The following HTR4 variants were observed in gnomAD, a reference collection of about 807,000 sequenced individuals.
HTR4 encodes the protein 5-hydroxytryptamine (serotonin) receptor 4, G protein-coupled.
A neutral mutation model predicts 36.8 loss-of-function variants in HTR4; 16 were observed. The ratio of observed to expected loss-of-function variants is 0.43; its 90% CI spans 0.29 to 0.66. HTR4 has a LOEUF of 0.66. Ranked by LOEUF, HTR4 falls within the 30% of genes least tolerant of loss-of-function variation. The pLI is 0.13. For synonymous variants in HTR4, 189 were observed against 185.1 expected (o/e 1.02, Z -0.17); for missense variants, 438 against 490.9 (o/e 0.89, Z 1.02).
chr5:148,569,658 C>A (rs915407499), intron 2 of HTR4, among the ~76,000 whole-genome samples: 1 of 150,264 alleles, frequency 6.7e-6, no homozygotes, highest in Admixed American at 6.6e-5. Context: ...ATAATGTATC[C>A]AAAACATGAG....
At chr5:148,605,395 A>G (rs1159370772) in intron 2 of HTR4, among the ~76,000 whole-genome samples, 1 of 150,734 alleles carries the variant, frequency 6.6e-6, no homozygotes, top group Non-Finnish European at 1.5e-5. Flanking sequence ...AGTAGCTGGG[A>G]TTACAGGTGT....
intron 2 of HTR4, among the ~76,000 whole-genome samples, chr5:148,588,701 C>T (rs899308262): frequency 4.7e-5 from 7 of 150,448 alleles, no homozygotes; most frequent in East Asian, 1.9e-4. Flanking sequence ...CCACCGCGCC[C>T]GGCTAATTTT....
intron 2 of HTR4, among the ~76,000 whole-genome samples, chr5:148,579,849 G>A (rs568290339): frequency 1.3e-5 from 2 of 152,076 alleles, no homozygotes; most frequent in South Asian, 2.1e-4. Context: ...AATTCACATC[G>A]CTGATTTCTG....
rs758122871 is a variant in HTR4 at position 148,465,824 on chromosome 5, C to A, written c.1077-14552G>T. The A allele has an allele frequency of 5.1e-5, 82 of 1,600,132 alleles. No homozygotes were observed. The East Asian group carries it at 1.8e-3, about 34-fold the overall frequency. The stretch of plus-strand genomic sequence containing the variant: ...AAATAAATAGGCAGACACAGACAGA[C>A]TCACAACAGACAGTGACAGACTTAC... On this transcript the variant is annotated intron_variant, in intron 5 of 5. Transcript: ENST00000521530.
At chr5:148,555,529 T>C (rs922994881) in intron 2 of HTR4, among the ~76,000 whole-genome samples, 1 of 152,192 alleles carries the variant, frequency 6.6e-6, no homozygotes, top group African/African-American at 2.4e-5. Flanking sequence ...GTAATGACAA[T>C]TAAAATAAAT....
At chr5:148,478,514 G>GA (rs1477383509), downstream of HTR4, among the ~76,000 whole-genome samples, 3 of 152,154 alleles carry the variant, frequency 2.0e-5, no homozygotes, top group East Asian at 1.9e-4. Context: ...TTGTCACCTG[G>GA]AAAAAATAGT....
chr5:148,523,961 A>T (rs564156296), intron 4 of HTR4, among the ~76,000 whole-genome samples: 1 of 150,574 alleles, frequency 6.6e-6, no homozygotes, highest in East Asian at 2.0e-4. Context: ...ACCCTTGATC[A>T]CCTGCCTACA....
chr5:148,585,385 TC>T (rs1761307643), intron 2 of HTR4, among the ~76,000 whole-genome samples: 1 of 152,182 alleles, frequency 6.6e-6, no homozygotes, highest in Non-Finnish European at 1.5e-5. Context: ...TAATGAATAT[TC>T]ATCAAAGATT....
chr5:148,639,880 T>C (rs1255730956), intron 1 of HTR4, among the ~76,000 whole-genome samples: 2 of 152,056 alleles, frequency 1.3e-5, no homozygotes, highest in Non-Finnish European at 2.9e-5. Flanking sequence ...GGGGACCATC[T>C]CAGAATAGAA....
At chr5:148,625,169 T>C (rs757616342) in intron 2 of HTR4, among the ~76,000 whole-genome samples, 1 of 151,958 alleles carries the variant, frequency 6.6e-6, no homozygotes, top group Non-Finnish European at 1.5e-5. Context: ...GGCTGAAAAA[T>C]GAATTGGAGT....
At chr5:148,643,651 T>A (rs1753791625) in intron 1 of HTR4, among the ~76,000 whole-genome samples, 3 of 152,210 alleles carry the variant, frequency 2.0e-5, no homozygotes. Context: ...CACCTGAGAA[T>A]AAATGGCATG....
At chr5:148,585,967 A>G (rs1761330877) in intron 2 of HTR4, among the ~76,000 whole-genome samples, 1 of 152,082 alleles carries the variant, frequency 6.6e-6, no homozygotes, top group South Asian at 2.1e-4. Flanking sequence ...TTTTATTTGT[A>G]TGGCATTCAT....
At chr5:148,474,056 G>A (rs539610356), downstream of HTR4, among the ~76,000 whole-genome samples, 2 of 152,162 alleles carry the variant, frequency 1.3e-5, no homozygotes, top group East Asian at 1.9e-4. Context: ...AATAATAAGA[G>A]TGACCCTGAT....
At chr5:148,451,063 C>G (rs1197960185) in exon 6 of HTR4, 2 of 1,530,856 alleles carry the variant, frequency 1.3e-6, no homozygotes, top group African/African-American at 1.4e-5. Flanking sequence ...CTCCTCTGGG[C>G]TCTCAGCCCC....
In HTR4 at chr5:148,586,119, A is replaced by G. The variant is rs553510363; in HGVS notation, c.27-35857T>C. Among the ~76,000 whole-genome samples, 28 of 151,932 alleles carry G rather than the reference A, an allele frequency of 1.8e-4. No homozygotes were observed. In the South Asian group the frequency reaches 5.8e-3, roughly 32 times the overall value. ...ATTAACTTACTAACTTTTTTTCCACATGTTTGTTGTTGGGCTGCATGAGGG... is the reference window on the plus strand; with the variant it reads ...ATTAACTTACTAACTTTTTTTCCACGTGTTTGTTGTTGGGCTGCATGAGGG... On this transcript the variant is annotated intron_variant, in intron 2 of 6. Coordinates refer to ENST00000377888, the MANE Select transcript of HTR4 (RefSeq NM_000870.7).
At chr5:148,452,120 G>T (rs757988230) in intron 5 of HTR4, among the ~76,000 whole-genome samples, 88 of 152,178 alleles carry the variant, frequency 5.8e-4, no homozygotes, top group Admixed American at 9.2e-4. Flanking sequence ...TTGATGCTTT[G>T]CTTTGAATTA....
intron 2 of HTR4, among the ~76,000 whole-genome samples, chr5:148,589,084 A>AT (rs557440614): frequency 6.6e-6 from 1 of 152,008 alleles, no homozygotes; most frequent in African/African-American, 2.4e-5. Context: ...CCCACAATCT[A>AT]TTTTTTTCTC....
chr5:148,474,538 T>C (rs1313617938), downstream of HTR4, among the ~76,000 whole-genome samples: 1 of 152,162 alleles, frequency 6.6e-6, no homozygotes, highest in African/African-American at 2.4e-5. Flanking sequence ...TCGACCAAGT[T>C]TTTAAAAGTA....
At chr5:148,530,663 C>T (rs1329187088) in intron 4 of HTR4, among the ~76,000 whole-genome samples, 1 of 152,170 alleles carries the variant, frequency 6.6e-6, no homozygotes, top group Non-Finnish European at 1.5e-5. Flanking sequence ...TACTGGGGCA[C>T]CAACTAGTAG....
Sources: gnomAD v4.1 joint callset for allele counts (sites outside exome capture counted in the v4.1 genomes callset) on GRCh38, gnomAD v4.1.1 for gene constraint, MANE v1.5 for transcripts, NCBI Gene and HGNC (gene_info 2026-07-23, HGNC 2026-07-21) for gene names.